The following HMCN1 variants were observed in gnomAD, a reference collection of about 807,000 sequenced individuals.
HMCN1 encodes hemicentin-1.
A neutral mutation model predicts 625.9 loss-of-function variants in HMCN1; 321 were observed. That is an observed-to-expected ratio of 0.51 (90% CI 0.47 to 0.56). HMCN1 has a LOEUF of 0.56. Among genes scored for constraint, HMCN1 ranks in the 20% least tolerant of loss-of-function variants. HMCN1 has a pLI of 0.00. For synonymous variants in HMCN1, 2,425 were observed against 2,417.6 expected, an observed-to-expected ratio of 1.00 and a Z score of -0.09; for missense variants, 6,588 against 6,887.3, an observed-to-expected ratio of 0.96 and a Z score of 1.54.
intron 58 of HMCN1, 48 bp downstream of exon 58, chr1:186,086,455 T>C (rs1332267413): frequency 1.3e-6 from 2 of 1,566,154 alleles, no homozygotes; most frequent in Non-Finnish European, 1.8e-6. Flanking sequence ...TCATCTTTAT[T>C]TTAATACAAA....
chr1:186,160,633 T>C (rs929007732), intron 97 of HMCN1, among the ~76,000 whole-genome samples: 1 of 152,154 alleles, frequency 6.6e-6, no homozygotes, highest in East Asian at 1.9e-4. Context: ...TTTGTTTTCG[T>C]TGGTTTCAAA....
intron 1 of HMCN1, among the ~76,000 whole-genome samples, chr1:185,796,599 ATTC>A (rs1183733006): frequency 1.3e-5 from 2 of 150,868 alleles, no homozygotes; most frequent in South Asian, 2.1e-4. Context: ...ACATAATTTA[ATTC>A]TTCTTTTATG....
chr1:185,982,145 G>A (rs1423009114), intron 17 of HMCN1, 117 bp from the exon 18 acceptor site: 1 of 971,610 alleles, frequency 1.0e-6, no homozygotes, highest in African/African-American at 1.6e-5. Flanking sequence ...TAAATATTTT[G>A]TTTCTGAAAA....
chr1:185,821,983 T>C (rs1009138856), intron 1 of HMCN1, among the ~76,000 whole-genome samples: 2 of 151,958 alleles, frequency 1.3e-5, no homozygotes, highest in Non-Finnish European at 2.9e-5. Flanking sequence ...TACTGTATGA[T>C]TCCAACTACA....
At chr1:185,886,139 A>G (rs1302334995) in intron 4 of HMCN1, among the ~76,000 whole-genome samples, 1 of 152,028 alleles carries the variant, frequency 6.6e-6, no homozygotes, top group Non-Finnish European at 1.5e-5. Flanking sequence ...CTCTGGTTAC[A>G]GTGTTCTTCC....
At chr1:185,784,382 C>T (rs1378608010) in intron 1 of HMCN1, among the ~76,000 whole-genome samples, 1 of 152,184 alleles carries the variant, frequency 6.6e-6, no homozygotes, top group African/African-American at 2.4e-5. Context: ...CCGACAAGCC[C>T]CAGTGATATG....
intron 102 of HMCN1, among the ~76,000 whole-genome samples, chr1:186,173,781 T>G (rs968034513): frequency 1.3e-5 from 2 of 151,452 alleles, no homozygotes; most frequent in African/African-American, 4.9e-5. Context: ...AGTTGAAAGA[T>G]CAGAAACTTT....
chr1:185,891,970 T>C (rs1665122302), intron 4 of HMCN1, among the ~76,000 whole-genome samples: 1 of 151,228 alleles, frequency 6.6e-6, no homozygotes, highest in Non-Finnish European at 1.5e-5. Context: ...GATTTGGTCT[T>C]TTCACATAGT....
chr1:186,122,656 T>C (rs921029201), intron 80 of HMCN1, among the ~76,000 whole-genome samples: 1 of 152,234 alleles, frequency 6.6e-6, no homozygotes, highest in African/African-American at 2.4e-5. Flanking sequence ...AAAATATTTT[T>C]GTTGATACAG....
At chr1:186,015,573 G>T in intron 31 of HMCN1, 136 bp downstream of exon 31, 1 of 893,082 alleles carries the variant, frequency 1.1e-6, no homozygotes, top group East Asian at 2.5e-5. Flanking sequence ...GGAAGAATTT[G>T]TTCCATGATT....
chr1:185,870,073 G>T (rs1663516802), intron 4 of HMCN1, among the ~76,000 whole-genome samples: 3 of 146,992 alleles, frequency 2.0e-5, no homozygotes, highest in Non-Finnish European at 1.5e-5. Flanking sequence ...ATCTAGGACT[G>T]TTTCATCTTT....
intron 9 of HMCN1, among the ~76,000 whole-genome samples, chr1:185,925,525 T>C (rs888197882): frequency 3.3e-5 from 5 of 152,220 alleles, no homozygotes; most frequent in Non-Finnish European, 7.3e-5. Context: ...TACAAAATCT[T>C]GAAAGGAGAC....
intron 1 of HMCN1, among the ~76,000 whole-genome samples, chr1:185,811,704 A>C (rs1659530594): frequency 6.6e-6 from 1 of 151,220 alleles, no homozygotes; most frequent in Non-Finnish European, 1.5e-5. Flanking sequence ...AAGAAAAGGC[A>C]GTCTTATTTC....
At chr1:186,036,273 T>A (rs961277331) in intron 36 of HMCN1, among the ~76,000 whole-genome samples, 3 of 152,172 alleles carry the variant, frequency 2.0e-5, no homozygotes, top group Non-Finnish European at 4.4e-5. Flanking sequence ...GATAAAGACA[T>A]ACCCAAGACT....
chr1:186,029,538 A>G (rs1028672731), intron 36 of HMCN1, among the ~76,000 whole-genome samples: 1 of 91,220 alleles, frequency 1.1e-5, no homozygotes, highest in Non-Finnish European at 2.1e-5. Flanking sequence ...CTTCTCCTAA[A>G]GTTTTTTTTT....
intron 1 of HMCN1, among the ~76,000 whole-genome samples, chr1:185,845,501 G>A (rs935400343): frequency 3.9e-5 from 6 of 152,172 alleles, no homozygotes; most frequent in Admixed American, 3.9e-4. Flanking sequence ...GATTACAGGC[G>A]TGAGCCACCG....
At position 186,053,971 on chromosome 1, in the gene HMCN1, A is replaced by C; in HGVS notation, c.6847A>C (p.Asn2283His). The change falls in exon 44 of 107, where the codon AAT becomes CAT. Residue 2283 changes from asparagine (N) to histidine (H), a missense_variant. This residue lies in a region of HMCN1 where 4,628 missense variants were observed against 4,853.1 expected (regional missense o/e 0.95). Coordinates refer to ENST00000271588, the MANE Select transcript of HMCN1 (RefSeq NM_031935.3). ...NVAGTAKKEYNLQVYIRPTIT... is the reference protein window; with the variant it reads ...NVAGTAKKEYHLQVYIRPTIT... ...TGCTGGGACTGCAAAGAAAGAATAC[A>C]ATCTGCAAGTTTACAGTAAGTTGTT... The C allele has an allele frequency of 1.2e-6, 2 of 1,612,472 alleles. No individual in the cohort carries two copies. Among genetic ancestry groups the C allele is most frequent in the Non-Finnish European group, 1.7e-6 (2 of 1,179,100 alleles).
At chr1:185,985,639 T>C (rs1462643746) in intron 19 of HMCN1, among the ~76,000 whole-genome samples, 10 of 152,190 alleles carry the variant, frequency 6.6e-5, no homozygotes, top group Non-Finnish European at 1.3e-4. Flanking sequence ...CCAAAATGAG[T>C]AACTAATTTA....
At chr1:185,963,492 T>C (rs1344670252) in intron 12 of HMCN1, among the ~76,000 whole-genome samples, 1 of 151,944 alleles carries the variant, frequency 6.6e-6, no homozygotes, top group Non-Finnish European at 1.5e-5. Context: ...GAGATATTAA[T>C]AGTATTTAAC....
Sources: allele counts gnomAD v4.1 joint callset (sites outside exome capture counted in the v4.1 genomes callset), GRCh38; gene constraint gnomAD v4.1.1; regional missense constraint gnomAD v4.1.1; transcripts MANE v1.5; gene names NCBI Gene and HGNC (gene_info 2026-07-23, HGNC 2026-07-21).